CTBS: variants seen among roughly 807,000 people sequenced by gnomAD.
CTBS encodes di-N-acetylchitobiase.
Under a neutral mutation model 44.3 loss-of-function variants are expected in CTBS, and 35 were observed. The ratio of observed to expected loss-of-function variants is 0.79; its 90% confidence interval spans 0.60 to 1.05. The LOEUF is 1.05. Ranked by LOEUF, CTBS falls within the 50% of genes least tolerant of loss-of-function variation. The pLI, the probability that CTBS is intolerant of heterozygous loss-of-function variation, is 0.00. For missense variants in CTBS, 458 were observed against 475.3 expected (o/e 0.96, Z 0.34); for synonymous variants, 143 against 168.0 (o/e 0.85, Z 1.15).
At chr1:84,563,106 GATT>G (rs1684625303) in intron 6 of CTBS, 148 bp downstream of exon 6, 1 of 467,358 alleles carries the variant, frequency 2.1e-6, no homozygotes, top group African/African-American at 2.0e-5. Context: ...CCTGATTACA[GATT>G]CAAAGACAAG....
chr1:84,556,091 C>A (rs529240552), intron 6 of CTBS: 2 of 152,196 alleles, frequency 1.3e-5, no homozygotes, highest in East Asian at 3.9e-4. Context: ...TGATTATGAG[C>A]CATAAATTAG....
intron 1 of CTBS, among the ~76,000 whole-genome samples, chr1:84,572,804 AAGTAGTTC>A (rs1471731454): frequency 1.3e-5 from 2 of 151,770 alleles, no homozygotes; most frequent in African/African-American, 4.8e-5. Context: ...TCAGCCTCCC[AAGTAGTTC>A]GGATTACATG....
chr1:84,561,742 C>A (rs1684598741), intron 6 of CTBS, among the ~76,000 whole-genome samples: 1 of 152,216 alleles, frequency 6.6e-6, no homozygotes, highest in Non-Finnish European at 1.5e-5. Context: ...CAAGGCAAGA[C>A]ACTCTTCCAG....
At chr1:84,558,100 C>A (rs1684501570) in intron 6 of CTBS, among the ~76,000 whole-genome samples, 1 of 151,936 alleles carries the variant, frequency 6.6e-6, no homozygotes, top group Non-Finnish European at 1.5e-5. Flanking sequence ...CCCGTGGTAA[C>A]TATAGTTAAT....
intron 6 of CTBS, among the ~76,000 whole-genome samples, chr1:84,561,476 A>C (rs185524529): frequency 1.4e-4 from 22 of 152,352 alleles, no homozygotes; most frequent in African/African-American, 5.1e-4. Flanking sequence ...TTCAAATAAC[A>C]GCAAAGGATT....
Position 84,574,020 on chromosome 1 carries a change from G to A in CTBS, c.177+219C>T, listed in dbSNP as rs531418588. ...CTGGTTTGAACTCTCGCCTGCCTACGCAGGCACTTACAGGCTGTGAGGCCT... is the reference window on the plus strand; with the variant it reads ...CTGGTTTGAACTCTCGCCTGCCTACACAGGCACTTACAGGCTGTGAGGCCT... On this transcript the variant is annotated intron_variant, in intron 1 of 6. Coordinates refer to ENST00000370630, the MANE Select transcript of CTBS (RefSeq NM_004388.3). 14 of 1,397,646 alleles carry A rather than the reference G, an allele frequency of 1.0e-5. No individual in the cohort carries two copies. The African/African-American group carries it at 1.9e-4, about 19-fold the overall frequency. The allele number at this position is 1,397,646 out of a possible 1,614,324, so 86.6% of individuals were successfully genotyped here. A position where few individuals can be genotyped will look rare whatever the true frequency, so the allele number is the denominator to read the frequency against.
At chr1:84,573,918 T>G (rs778800827) in intron 1 of CTBS, 213 of 1,239,502 alleles carry the variant, frequency 1.7e-4, no homozygotes, top group Non-Finnish European at 2.1e-4. Flanking sequence ...TATCCTACCT[T>G]GTTTGCTTTT....
intron 3 of CTBS, among the ~76,000 whole-genome samples, chr1:84,567,532 A>G (rs1684722791): frequency 6.6e-6 from 1 of 152,204 alleles, no homozygotes; most frequent in Admixed American, 6.5e-5. Flanking sequence ...TGCTAAGTCA[A>G]TTAAAGCATC....
At chr1:84,574,152 C>G (rs1363106926) in intron 1 of CTBS, 87 bp downstream of exon 1, 1 of 1,540,724 alleles carries the variant, frequency 6.5e-7, no homozygotes, top group Non-Finnish European at 8.8e-7. Flanking sequence ...TCGGCGCCCA[C>G]GGCACCTCTC....
At position 84,550,362 on chromosome 1, in the gene CTBS, T is replaced by C; in HGVS notation, c.*4637A>G. On this transcript the variant is annotated 3_prime_UTR_variant, in exon 7 of 7. Transcript: ENST00000370630. ...TTGATCTTTATCATTTCATAGTTTA[T>C]GTTCACAAGGCAGTTAAAAATAAAA... 1 of 680,368 alleles carries C rather than the reference T, an allele frequency of 1.5e-6. No homozygotes were observed. The highest frequency in any genetic ancestry group is 3.9e-5 in the Admixed American group (1 of 25,594). The allele number at this position is 680,368 out of a possible 1,614,324, so 42.1% of individuals were successfully genotyped here. A position where few individuals can be genotyped will look rare whatever the true frequency, so the allele number is the denominator to read the frequency against.
chr1:84,569,968 GTTTC>G lies in CTBS; in HGVS notation c.484_487del (p.Glu162LeufsTer14). 1 of 1,612,030 alleles carries G rather than the reference GTTTC, an allele frequency of 6.2e-7. No individual in the cohort carries two copies. The highest frequency in any genetic ancestry group is 1.1e-5 in the South Asian group (1 of 90,884). On this transcript the variant is annotated frameshift_variant, in exon 3 of 7. Transcript: ENST00000370630. LOFTEE classifies it high-confidence loss of function. ...AATTTCACGATGGAAAGAGTCTGTA[GTTTC>G]TTTGACTAAAGCAGTTAATGCATCA...
rs17111476 is a variant in CTBS at position 84,556,769 on chromosome 1, C to T, written c.958-1570G>A. On this transcript the variant is annotated intron_variant, in intron 6 of 6. Transcript: ENST00000370630. Reference sequence around the variant, plus strand: ...AAATAATTCACCTGGTAAATGAATACACTGCGGCATATTTAAATATGGTAG... The same window carrying T: ...AAATAATTCACCTGGTAAATGAATATACTGCGGCATATTTAAATATGGTAG... 6.3e-3 allele frequency among the ~76,000 whole-genome samples: 935 copies of T among 149,328 alleles called. 9 individuals carry two copies. The highest frequency in any genetic ancestry group is 0.021 in the African/African-American group (857 of 40,424).
In CTBS at chr1:84,552,799, T is replaced by C. The variant is rs1684317451; in HGVS notation, c.*2200A>G. The stretch of plus-strand genomic sequence containing the variant: ...GAACAGTTCAATTGTATTGTCCCTA[T>C]CTACTCATAAACAAGGTTACCTTAT... On this transcript the variant is annotated 3_prime_UTR_variant, in exon 7 of 7. Coordinates refer to ENST00000370630, the MANE Select transcript of CTBS (RefSeq NM_004388.3). 1 of 368,856 alleles carries C rather than the reference T, an allele frequency of 2.7e-6. No individual in the cohort carries two copies. The highest frequency in any genetic ancestry group is 4.8e-5 in the Admixed American group (1 of 21,010). The allele number at this position is 368,856 out of a possible 1,614,324, so 22.8% of individuals were successfully genotyped here. A position where few individuals can be genotyped will look rare whatever the true frequency, so the allele number is the denominator to read the frequency against.
In CTBS at chr1:84,552,429, A is replaced by G. The variant is rs1189187848; in HGVS notation, c.*2570T>C. 2.0e-5 allele frequency: 3 copies of G among 152,144 alleles called. No homozygotes were observed. Among genetic ancestry groups the G allele is most frequent in the Admixed American group, 2.0e-4 (3 of 15,266 alleles). 9.4% of individuals were successfully genotyped at this position (152,144 alleles called of 1,614,324 possible). Reference sequence around the variant, plus strand: ...AAGGGCTCTGGTACCAGGTGGTTTGAATTTGAATCCTGGCTGTACCCACTT... The same window carrying G: ...AAGGGCTCTGGTACCAGGTGGTTTGGATTTGAATCCTGGCTGTACCCACTT... On this transcript the variant is annotated 3_prime_UTR_variant, in exon 7 of 7. Coordinates refer to ENST00000370630, the MANE Select transcript of CTBS (RefSeq NM_004388.3).
chr1:84,566,782 G>A (rs1428550799), intron 3 of CTBS, among the ~76,000 whole-genome samples: 4 of 152,090 alleles, frequency 2.6e-5, no homozygotes, highest in Non-Finnish European at 4.4e-5. Flanking sequence ...ACAGGCATGC[G>A]CCACCACGCC....
At chr1:84,574,208 C>T (rs1647397795) in intron 1 of CTBS, 31 bp downstream of exon 1, 1 of 1,596,668 alleles carries the variant, frequency 6.3e-7, no homozygotes, top group Admixed American at 1.7e-5. Flanking sequence ...CCCTGAAGCC[C>T]AGACCTAGAG....
chr1:84,569,973 T>A lies in CTBS; in HGVS notation c.483A>T (p.Lys161Asn). ...PEYDALTALVKETTDSFHREI... is the reference protein window; with the variant it reads ...PEYDALTALVNETTDSFHREI... ...CACGATGGAAAGAGTCTGTAGTTTC[T>A]TTGACTAAAGCAGTTAATGCATCAT... is the stretch of plus-strand genomic sequence containing the variant. The change falls in exon 3 of 7, where the codon AAA (lysine) becomes AAT (asparagine). Residue 161 changes from lysine to asparagine, a missense_variant. By Grantham distance (94) the Lys-to-Asn change is moderately conservative. Coordinates refer to ENST00000370630, the MANE Select transcript of CTBS (RefSeq NM_004388.3). 6.2e-7 allele frequency: 1 copy of A among 1,612,442 alleles called. No individual in the cohort carries two copies. The highest frequency in any genetic ancestry group is 8.5e-7 in the Non-Finnish European group (1 of 1,179,666).
In CTBS at chr1:84,569,938, C is replaced by T; in HGVS notation, c.518G>A (p.Gly173Glu). The T allele has an allele frequency of 6.2e-7, 1 of 1,609,530 alleles. No individual in the cohort carries two copies. Among genetic ancestry groups the T allele is most frequent in the Non-Finnish European group, 8.5e-7 (1 of 1,179,090 alleles). Residue 173 changes from glycine to glutamate, a missense_variant, in exon 3 of 7, where the codon GGA becomes GAA. Coordinates refer to ENST00000370630, the MANE Select transcript of CTBS (RefSeq NM_004388.3). ...TTDSFHREIE[G>E]SQVTFDVAWS... ...AAATAAATGAGTTTTTACCTGTGATCCCTCAATTTCACGATGGAAAGAGTC... is the reference window on the plus strand; with the variant it reads ...AAATAAATGAGTTTTTACCTGTGATTCCTCAATTTCACGATGGAAAGAGTC...
intron 1 of CTBS, among the ~76,000 whole-genome samples, chr1:84,572,121 T>C (rs1434722477): frequency 1.3e-5 from 2 of 152,164 alleles, no homozygotes; most frequent in African/African-American, 2.4e-5. Context: ...TCAGGGGATA[T>C]GCATTACAAA....
Sources: allele counts gnomAD v4.1 joint callset (sites outside exome capture counted in the v4.1 genomes callset), GRCh38; gene constraint gnomAD v4.1.1; transcripts MANE v1.5; gene names NCBI Gene and HGNC (gene_info 2026-07-23, HGNC 2026-07-21).